SKIC3: variants seen among roughly 807,000 people sequenced by gnomAD.
SKIC3 encodes superkiller complex protein 3.
At chr5:95,485,848 C>T in the SKIC3 span, among the ~76,000 whole-genome samples, 1 of 152,128 alleles carries the variant, frequency 6.6e-6, no homozygotes, top group African/African-American at 2.4e-5. Flanking sequence ...AGAAAGCACA[C>T]TGGACCTCAA....
At chr5:95,466,692 C>T in the SKIC3 span, among the ~76,000 whole-genome samples, 201 of 152,276 alleles carry the variant, frequency 1.3e-3, no homozygotes, top group African/African-American at 4.6e-3. Flanking sequence ...TTTGGTTTAC[C>T]AGCTGGCCAT....
chr5:95,474,882 A>C, the SKIC3 span, among the ~76,000 whole-genome samples: 2 of 152,138 alleles, frequency 1.3e-5, no homozygotes, highest in South Asian at 4.1e-4. Context: ...TTCTTTCCTC[A>C]GCTTGATGTA....
the SKIC3 span, among the ~76,000 whole-genome samples, chr5:95,515,745 T>G: frequency 6.6e-6 from 1 of 152,150 alleles, no homozygotes; most frequent in African/African-American, 2.4e-5. Context: ...GAAAGCTTTT[T>G]GGGATGAGAT....
the SKIC3 span, among the ~76,000 whole-genome samples, chr5:95,527,142 T>G: frequency 6.6e-6 from 1 of 152,320 alleles, no homozygotes; most frequent in African/African-American, 2.4e-5. Flanking sequence ...AGCCCTTTTG[T>G]AGTCTGAGCC....
At chr5:95,497,190 T>C in the SKIC3 span, among the ~76,000 whole-genome samples, 6 of 152,190 alleles carry the variant, frequency 3.9e-5, no homozygotes, top group Non-Finnish European at 8.8e-5. Context: ...TCCCACTTCT[T>C]TGTACGTCTT....
the SKIC3 span, among the ~76,000 whole-genome samples, chr5:95,531,654 GT>G: frequency 6.6e-6 from 1 of 152,116 alleles, no homozygotes; most frequent in South Asian, 2.1e-4. Flanking sequence ...GAAGTTTATG[GT>G]TCAGTAGGTC....
the SKIC3 span, among the ~76,000 whole-genome samples, chr5:95,486,305 T>C: frequency 2.0e-5 from 3 of 152,122 alleles, no homozygotes; most frequent in African/African-American, 7.2e-5. Flanking sequence ...TCAACCACCA[T>C]GAGCTGCTGG....
At chr5:95,501,546 G>A in the SKIC3 span, among the ~76,000 whole-genome samples, 1 of 152,110 alleles carries the variant, frequency 6.6e-6, no homozygotes, top group African/African-American at 2.4e-5. Context: ...GGTGGAAGCA[G>A]TTGGTAGTGT....
chr5:95,532,039 ATCTTT>A, the SKIC3 span, among the ~76,000 whole-genome samples: 1 of 152,132 alleles, frequency 6.6e-6, no homozygotes, highest in Non-Finnish European at 1.5e-5. Context: ...CCAAACTCTT[ATCTTT>A]TATCTCTACC....
the SKIC3 span, chr5:95,495,334 C>T: frequency 2.9e-5 from 8 of 275,194 alleles, no homozygotes; most frequent in African/African-American, 1.8e-4. Context: ...AGAGAGATCA[C>T]AAAGATAAAC....
At chr5:95,536,555 C>A in the SKIC3 span, 1 of 400,146 alleles carries the variant, frequency 2.5e-6, no homozygotes, top group Non-Finnish European at 4.5e-6. Flanking sequence ...AAATTCAAGA[C>A]CCCCTCCAAT....
At chr5:95,492,652 G>GAAGAAAAAAAAAAAAAAAAAAAAA in the SKIC3 span, among the ~76,000 whole-genome samples, 2 of 48,842 alleles carry the variant, frequency 4.1e-5, 1 homozygote, top group African/African-American at 2.8e-4. Context: ...AAAAAAAAAA[G>GAAGAAAAAAAAAAAAAAAAAAAAA]AAAAAAAAAA....
the SKIC3 span, chr5:95,525,673 T>C: frequency 6.2e-7 from 1 of 1,613,790 alleles, no homozygotes; most frequent in Non-Finnish European, 8.5e-7. Context: ...GCATCAGAAA[T>C]CTAGAAAATA....
At chr5:95,528,091 A>G in the SKIC3 span, 1 of 1,613,780 alleles carries the variant, frequency 6.2e-7, no homozygotes, top group Non-Finnish European at 8.5e-7. Context: ...TCAAATGAAG[A>G]CAAAGATTCC....
the SKIC3 span, among the ~76,000 whole-genome samples, chr5:95,527,161 G>A: frequency 6.6e-6 from 1 of 152,128 alleles, no homozygotes; most frequent in Non-Finnish European, 1.5e-5. Context: ...CCCTTTTATA[G>A]TTTCTTGCTT....
the SKIC3 span, chr5:95,506,785 G>A: frequency 1.3e-6 from 1 of 797,802 alleles, no homozygotes; most frequent in Admixed American, 2.4e-5. Context: ...ATAGGTATAG[G>A]AAACTGTTAA....
At chr5:95,506,862 T>A in the SKIC3 span, 1 of 1,442,096 alleles carries the variant, frequency 6.9e-7, no homozygotes. Flanking sequence ...AGTCAGCATA[T>A]CAGCAGTCCC....
chr5:95,491,225 T>C, the SKIC3 span, among the ~76,000 whole-genome samples: 1 of 152,204 alleles, frequency 6.6e-6, no homozygotes, highest in Admixed American at 6.5e-5. Flanking sequence ...CTTTCCAGAT[T>C]TGCCAATTTT....
At chr5:95,549,595 G>A in the SKIC3 span, among the ~76,000 whole-genome samples, 1 of 151,726 alleles carries the variant, frequency 6.6e-6, no homozygotes, top group Admixed American at 6.5e-5. Flanking sequence ...TTCTTCATTT[G>A]ATGCAACATT....
Sources: allele counts gnomAD v4.1 joint callset (sites outside exome capture counted in the v4.1 genomes callset), GRCh38; gene constraint gnomAD v4.1.1; transcripts MANE v1.5; gene names NCBI Gene and HGNC (gene_info 2026-07-23, HGNC 2026-07-21).